ENTPD7: variants seen among roughly 807,000 people sequenced by gnomAD.
ENTPD7 encodes NTPDase 7.
ENTPD7 carries 53 observed loss-of-function variants against 77.9 expected under a neutral mutation model. That is an observed-to-expected ratio of 0.68 (90% CI 0.55 to 0.85). The LOEUF is 0.85. Among genes scored for constraint, ENTPD7 ranks in the 40% least tolerant of loss-of-function variants. The pLI is 0.00. For missense variants in ENTPD7, 636 were observed against 743.7 expected, an observed-to-expected ratio of 0.86 and a Z score of 1.68; for synonymous variants, 248 against 274.9, an observed-to-expected ratio of 0.90 and a Z score of 0.97.
intron 12 of ENTPD7, 75 bp from the exon 13 acceptor site, chr10:99,704,377 C>A (rs1406010339): frequency 7.2e-7 from 1 of 1,393,562 alleles, no homozygotes; most frequent in Non-Finnish European, 1.0e-6. Context: ...CACTACTGGG[C>A]CTTTCAAATC....
At chr10:99,684,905 T>C (rs1447644044) in intron 5 of ENTPD7, among the ~76,000 whole-genome samples, 1 of 152,160 alleles carries the variant, frequency 6.6e-6, no homozygotes, top group African/African-American at 2.4e-5. Context: ...GGTTTTCAAA[T>C]GGTAAGATTT....
intron 8 of ENTPD7, 48 bp downstream of exon 8, chr10:99,691,566 G>T: frequency 1.2e-6 from 2 of 1,603,354 alleles, no homozygotes; most frequent in South Asian, 2.2e-5. Context: ...GCTAGTATTT[G>T]AGAAGGAAGG....
At chr10:99,680,794 T>A (rs1275623775) in intron 5 of ENTPD7, among the ~76,000 whole-genome samples, 1 of 151,978 alleles carries the variant, frequency 6.6e-6, no homozygotes, top group Non-Finnish European at 1.5e-5. Context: ...CCAGGCTGGT[T>A]TAGAACTCCT....
In ENTPD7 at chr10:99,702,542, C is replaced by A. The variant is rs2133522215; in HGVS notation, c.1452C>A (p.Tyr484Ter). 1 of 1,602,780 alleles carries A rather than the reference C, an allele frequency of 6.2e-7. No homozygotes were observed. The highest frequency in any genetic ancestry group is 2.3e-5 in the East Asian group (1 of 44,422). ...KYQCFKSAWM[Y>*]QVLHEGFHFP... is the part of the protein sequence containing the mutation. ...AGTGTTTTAAATCGGCTTGGATGTA[C>A]CAAGTCTTACATGAAGGATTCCACT... The change falls in exon 12 of 13, where the codon TAC becomes TAA. Residue 484 changes from tyrosine to a stop codon, truncating the protein, a stop_gained. Coordinates refer to ENST00000370489, the MANE Select transcript of ENTPD7 (RefSeq NM_020354.5). LOFTEE classifies it high-confidence loss of function.
Position 99,704,988 on chromosome 10 carries a change from CT to C in ENTPD7, c.*309del. 1 of 334,526 alleles carries C rather than the reference CT, an allele frequency of 3.0e-6. No individual in the cohort carries two copies. The highest frequency in any genetic ancestry group is 5.6e-6 in the Non-Finnish European group (1 of 178,868). The allele number at this position is 334,526 out of a possible 1,614,324, so 20.7% of individuals were successfully genotyped here. On this transcript the variant is annotated 3_prime_UTR_variant, in exon 13 of 13. Transcript: ENST00000370489. Reference sequence around the variant, plus strand: ...GTCTGGTGTGTTCCTAGAATCTCACCTTTTCTTCCCTTGCTAAAGCATGAAG... The same window carrying C: ...GTCTGGTGTGTTCCTAGAATCTCACCTTTCTTCCCTTGCTAAAGCATGAAG...
chr10:99,667,441 T>G (rs1291411227), intron 3 of ENTPD7, among the ~76,000 whole-genome samples: 1 of 152,144 alleles, frequency 6.6e-6, no homozygotes, highest in Non-Finnish European at 1.5e-5. Flanking sequence ...GAGATAATAG[T>G]TTAGGTACGG....
chr10:99,695,260 C>G (rs1329653318), intron 8 of ENTPD7, among the ~76,000 whole-genome samples: 2 of 151,920 alleles, frequency 1.3e-5, no homozygotes, highest in South Asian at 2.1e-4. Flanking sequence ...CACAGTGGCT[C>G]ACACCTGTAA....
Position 99,704,948 on chromosome 10 carries a change from G to A in ENTPD7, c.*265G>A, listed in dbSNP as rs1366305242. 2.5e-5 allele frequency: 12 copies of A among 485,466 alleles called. No individual in the cohort carries two copies. Among genetic ancestry groups the A allele is most frequent in the Admixed American group, 3.3e-5 (1 of 30,286 alleles). The allele number at this position is 485,466 out of a possible 1,614,324, so 30.1% of individuals were successfully genotyped here. A position where few individuals can be genotyped will look rare whatever the true frequency, so the allele number is the denominator to read the frequency against. ...GCTTTGTCCAAGTGAAGCAGGCTTC[G>A]ACTCCTTCTGAGAGGTCTGGTGTGT... On this transcript the variant is annotated 3_prime_UTR_variant, in exon 13 of 13. Transcript: ENST00000370489.
rs1406022783 is a variant in ENTPD7 at position 99,706,424 on chromosome 10, C to T, written c.*1741C>T. Reference sequence around the variant, plus strand: ...CATCATGGCTCACCGCAGCCTCAACCTCCTGGGCTCAAACAGTCCTCCCAA... The same window carrying T: ...CATCATGGCTCACCGCAGCCTCAACTTCCTGGGCTCAAACAGTCCTCCCAA... On this transcript the variant is annotated 3_prime_UTR_variant, in exon 13 of 13. Transcript: ENST00000370489. Among the ~76,000 whole-genome samples the T allele has an allele frequency of 1.3e-5, 2 of 152,030 alleles. No individual in the cohort carries two copies. Among genetic ancestry groups the T allele is most frequent in the Admixed American group, 6.6e-5 (1 of 15,258 alleles).
At position 99,659,613 on chromosome 10, in the gene ENTPD7, T is replaced by G; in HGVS notation, c.-96+25T>G. 4.6e-6 allele frequency: 1 copy of G among 215,692 alleles called. No homozygotes were observed. The highest frequency in any genetic ancestry group is 9.2e-6 in the Non-Finnish European group (1 of 108,112). The allele number at this position is 215,692 out of a possible 1,614,324, so 13.4% of individuals were successfully genotyped here. On this transcript the variant is annotated intron_variant, in intron 1 of 12. Coordinates refer to ENST00000370489, the MANE Select transcript of ENTPD7 (RefSeq NM_020354.5). The surrounding 1 kb of genome is among the most constrained non-coding windows in gnomAD (Gnocchi z 4.1). The stretch of plus-strand genomic sequence containing the variant: ...CGTGAGTGTGGGCGCGAGAGGGCTG[T>G]GGGACCCGGAGGGACGGGGAGAGGA...
chr10:99,687,638 G>A (rs1462309149), intron 6 of ENTPD7, among the ~76,000 whole-genome samples: 1 of 152,172 alleles, frequency 6.6e-6, no homozygotes, highest in Non-Finnish European at 1.5e-5. Flanking sequence ...GGCTAATCTG[G>A]AACCTGGGCA....
Position 99,708,738 on chromosome 10 carries a change from G to T in ENTPD7, c.*4055G>T. ...TTTCAGAAGAGTTTTAAAGCTTCTG[G>T]TCAACCCCCTTGATTTATATGGGTG... is the stretch of plus-strand genomic sequence containing the variant. On this transcript the variant is annotated 3_prime_UTR_variant, in exon 13 of 13. Coordinates refer to ENST00000370489, the MANE Select transcript of ENTPD7 (RefSeq NM_020354.5). The T allele has an allele frequency of 1.3e-6, 1 of 741,062 alleles. No homozygotes were observed. Among genetic ancestry groups the T allele is most frequent in the Non-Finnish European group, 1.6e-6 (1 of 606,848 alleles). The allele number at this position is 741,062 out of a possible 1,614,324, so 45.9% of individuals were successfully genotyped here.
At position 99,709,098 on chromosome 10, in the gene ENTPD7, A is replaced by G. The variant is rs1319135131; in HGVS notation, c.*4415A>G. The G allele has an allele frequency of 1.0e-6, 1 of 981,558 alleles. No homozygotes were observed. Among genetic ancestry groups the G allele is most frequent in the Non-Finnish European group, 1.2e-6 (1 of 826,454 alleles). The allele number at this position is 981,558 out of a possible 1,614,324, so 60.8% of individuals were successfully genotyped here. A position where few individuals can be genotyped will look rare whatever the true frequency, so the allele number is the denominator to read the frequency against. On this transcript the variant is annotated 3_prime_UTR_variant, in exon 13 of 13. Transcript: ENST00000370489. ...AAATTTTATACATCTTTTTAAAACA[A>G]TTTTATACAATTTCCTTTACTACAA...
chr10:99,704,365 A>G, intron 12 of ENTPD7, 87 bp from the exon 13 acceptor site: 2 of 1,292,816 alleles, frequency 1.5e-6, no homozygotes, highest in Non-Finnish European at 2.2e-6. Flanking sequence ...TAAATGTGAT[A>G]ACACTACTGG....
intron 3 of ENTPD7, among the ~76,000 whole-genome samples, chr10:99,678,511 A>G (rs187129096): frequency 1.3e-5 from 2 of 151,810 alleles, no homozygotes; most frequent in Admixed American, 1.3e-4. Flanking sequence ...ATATATATAA[A>G]ATATTGTAGA....
chr10:99,677,359 C>CTTTT (rs560338561), intron 3 of ENTPD7, among the ~76,000 whole-genome samples: 43 of 93,796 alleles, frequency 4.6e-4, no homozygotes, highest in African/African-American at 6.0e-4. Flanking sequence ...GGGCAGATAG[C>CTTTT]TTTTTTTTTT....
rs943589049 is a variant in ENTPD7 at position 99,705,416 on chromosome 10, G to A, written c.*733G>A. The stretch of plus-strand genomic sequence containing the variant: ...TTTTTCCATTTTTATGTGCCTCACA[G>A]GCTGTTTGGGCATTAATTTTGCTTT... On this transcript the variant is annotated 3_prime_UTR_variant, in exon 13 of 13. Coordinates refer to ENST00000370489, the MANE Select transcript of ENTPD7 (RefSeq NM_020354.5). The A allele has an allele frequency of 6.6e-6, 1 of 152,464 alleles. No individual in the cohort carries two copies. Among genetic ancestry groups the A allele is most frequent in the African/African-American group, 2.4e-5 (1 of 41,440 alleles). 9.4% of individuals were successfully genotyped at this position (152,464 alleles called of 1,614,324 possible).
intron 12 of ENTPD7, 82 bp downstream of exon 12, chr10:99,702,755 T>C: frequency 1.5e-6 from 2 of 1,368,164 alleles, no homozygotes; most frequent in Non-Finnish European, 1.9e-6. Flanking sequence ...TTCTTTTTTT[T>C]TTTAACCAGC....
Position 99,704,842 on chromosome 10 carries a change from C to A in ENTPD7, c.*159C>A. The stretch of plus-strand genomic sequence containing the variant: ...TTCTACCGTAATTCCTTCTCCGTAC[C>A]CAGGTCTTCTCTGAGAGAAGCTATA... On this transcript the variant is annotated 3_prime_UTR_variant, in exon 13 of 13. Transcript: ENST00000370489. The A allele has an allele frequency of 1.5e-6, 1 of 673,032 alleles. No individual in the cohort carries two copies. The allele number at this position is 673,032 out of a possible 1,614,324, so 41.7% of individuals were successfully genotyped here.
Sources: allele counts gnomAD v4.1 joint callset (sites outside exome capture counted in the v4.1 genomes callset), GRCh38; gene constraint gnomAD v4.1.1; non-coding constraint Gnocchi (gnomAD v3.1); transcripts MANE v1.5; gene names NCBI Gene and HGNC (gene_info 2026-07-23, HGNC 2026-07-21).